The following GBGT1 variants were observed in gnomAD, a reference collection of about 807,000 sequenced individuals.
GBGT1 encodes globoside alpha-1,3-N-acetylgalactosaminyltransferase 1 (FORS blood group), also known as globoside alpha-1,3-N-acetylgalactosaminyltransferase 1.
Under a neutral mutation model 20.9 loss-of-function variants are expected in GBGT1, and 18 were observed. The observed-to-expected ratio is 0.86, with a 90% confidence interval of 0.60 to 1.28. The LOEUF is 1.28. Among genes scored for constraint, GBGT1 ranks in the 50% most tolerant of loss-of-function variants. GBGT1 has a pLI of 0.00. For missense variants in GBGT1, 432 were observed against 455.7 expected (o/e 0.95, Z 0.47); for synonymous variants, 168 against 180.8 (o/e 0.93, Z 0.57).
chr9:133,162,520 G>T lies in GBGT1; in HGVS notation c.-108C>A. 1 of 871,710 alleles carries T rather than the reference G, an allele frequency of 1.1e-6. No individual in the cohort carries two copies. The highest frequency in any genetic ancestry group is 1.9e-6 in the Non-Finnish European group (1 of 532,122). The allele number at this position is 871,710 out of a possible 1,614,324, so 54.0% of individuals were successfully genotyped here. On this transcript the variant is annotated 5_prime_UTR_variant, in exon 2 of 7. Coordinates refer to ENST00000372040, the MANE Select transcript of GBGT1 (RefSeq NM_021996.6). ...TCAGGCTCTGAGCCTGGTCTCTGAGGTCCCAGGAACACCTGCAAAGGAACA... is the reference window on the plus strand; with the variant it reads ...TCAGGCTCTGAGCCTGGTCTCTGAGTTCCCAGGAACACCTGCAAAGGAACA...
Position 133,153,510 on chromosome 9 carries a change from A to G in GBGT1, c.*67T>C. On this transcript the variant is annotated 3_prime_UTR_variant, in exon 7 of 7. Coordinates refer to ENST00000372040, the MANE Select transcript of GBGT1 (RefSeq NM_021996.6). ...GGGAGGCGGGACAGGGCTGGTCTGCACGCTAGTGAAGCACTGGTGGCTGCA... is the reference window on the plus strand; with the variant it reads ...GGGAGGCGGGACAGGGCTGGTCTGCGCGCTAGTGAAGCACTGGTGGCTGCA... The G allele has an allele frequency of 8.4e-7, 1 of 1,194,850 alleles. No homozygotes were observed. The highest frequency in any genetic ancestry group is 1.5e-5 in the South Asian group (1 of 67,360). The allele number at this position is 1,194,850 out of a possible 1,614,324, so 74.0% of individuals were successfully genotyped here.
At chr9:133,155,792 C>A (rs530378627) in intron 5 of GBGT1, 109 bp downstream of exon 5, 2 of 1,186,002 alleles carry the variant, frequency 1.7e-6, no homozygotes, top group Non-Finnish European at 2.5e-6. Context: ...CCCTAACTCT[C>A]TGGGCCCCAA....
intron 1 of GBGT1, chr9:133,162,967 CG>C (rs1833100918): frequency 6.4e-6 from 1 of 156,550 alleles, no homozygotes; most frequent in Admixed American, 6.2e-5. Flanking sequence ...GGGAGGCGCA[CG>C]GTGGCAGTGG....
chr9:133,155,589 T>C (rs1832847780), intron 5 of GBGT1, among the ~76,000 whole-genome samples: 1 of 152,226 alleles, frequency 6.6e-6, no homozygotes, highest in African/African-American at 2.4e-5. Context: ...CACGTTGTTA[T>C]GAACAATGGC....
rs1412972743 is a variant in GBGT1 at position 133,154,248 on chromosome 9, T to C, written c.373A>G (p.Ile125Val). ...TCGGCTGACTCCAGGAAGGACTGGA[T>C]GAAATGAGTGTACCTAGTGATGATC... Reference protein sequence around the residue: ...VFAVGKYTHFIQSFLESAEEF... With the variant: ...VFAVGKYTHFVQSFLESAEEF... The change falls in exon 7 of 7, where the codon ATC becomes GTC. Residue 125 changes from isoleucine (I) to valine (V), a missense_variant. Coordinates refer to ENST00000372040, the MANE Select transcript of GBGT1 (RefSeq NM_021996.6). This position sits in a 1 kb window ranked among gnomAD's most constrained non-coding sequence, Gnocchi z 4.2. 6.6e-7 allele frequency: 1 copy of C among 1,526,428 alleles called. No individual in the cohort carries two copies. The highest frequency in any genetic ancestry group is 1.4e-5 in the African/African-American group (1 of 72,610). 94.6% of individuals were successfully genotyped at this position (1,526,428 alleles called of 1,614,324 possible).
At chr9:133,161,267 A>G in intron 3 of GBGT1, 200 bp downstream of exon 3, 1 of 537,464 alleles carries the variant, frequency 1.9e-6, no homozygotes, top group Non-Finnish European at 3.3e-6. Flanking sequence ...GGGGGCTGCA[A>G]GGATGCTGGA....
In GBGT1 at chr9:133,153,657, C is replaced by A; in HGVS notation, c.964G>T (p.Asp322Tyr). ...KVLSPEYLWD[D>Y]RKPQPPSLKL... Reference sequence around the variant, plus strand: ...AGGCTGGGTGGCTGGGGCTTCCTGTCGTCCCAGAGGTACTCGGGGGACAGC... The same window carrying A: ...AGGCTGGGTGGCTGGGGCTTCCTGTAGTCCCAGAGGTACTCGGGGGACAGC... The change falls in exon 7 of 7, where the codon GAC becomes TAC. Residue 322 changes from aspartate (D) to tyrosine (Y), a missense_variant. Transcript: ENST00000372040. 1 of 1,609,846 alleles carries A rather than the reference C, an allele frequency of 6.2e-7. No individual in the cohort carries two copies. Among genetic ancestry groups the A allele is most frequent in the Non-Finnish European group, 8.5e-7 (1 of 1,177,768 alleles).
intron 3 of GBGT1, among the ~76,000 whole-genome samples, chr9:133,158,426 C>T (rs1437154701): frequency 6.6e-6 from 1 of 152,062 alleles, no homozygotes; most frequent in Non-Finnish European, 1.5e-5. Flanking sequence ...CCACAGGTGC[C>T]CACCACCACA....
Position 133,162,428 on chromosome 9 carries a change from C to G in GBGT1, c.-16G>C. On this transcript the variant is annotated 5_prime_UTR_variant, in exon 2 of 7. Transcript: ENST00000372040. ...GGCGATGCATTGCTGGGGGCTGCACCTGAGCCTGGGCACTTGTAGAGACCC... is the reference window on the plus strand; with the variant it reads ...GGCGATGCATTGCTGGGGGCTGCACGTGAGCCTGGGCACTTGTAGAGACCC... 2 of 1,594,752 alleles carry G rather than the reference C, an allele frequency of 1.3e-6. No individual in the cohort carries two copies. The highest frequency in any genetic ancestry group is 1.7e-6 in the Non-Finnish European group (2 of 1,172,124).
chr9:133,156,226 G>A (rs1395911713), intron 3 of GBGT1, 161 bp from the exon 4 acceptor site: 10 of 730,480 alleles, frequency 1.4e-5, no homozygotes, highest in Non-Finnish European at 2.3e-5. Flanking sequence ...CTACAGAGGA[G>A]CTGGGGACCC....
At chr9:133,161,388 G>A in intron 3 of GBGT1, 79 bp downstream of exon 3, 1 of 785,504 alleles carries the variant, frequency 1.3e-6, no homozygotes, top group Non-Finnish European at 2.1e-6. Flanking sequence ...CAGATGAAGT[G>A]AACTTAAATA....
chr9:133,159,002 C>G (rs1432841428), intron 3 of GBGT1, among the ~76,000 whole-genome samples: 1 of 152,010 alleles, frequency 6.6e-6, no homozygotes. Flanking sequence ...ACCTTGTCAT[C>G]CCAGCTGGAG....
intron 3 of GBGT1, chr9:133,161,057 A>G (rs1833028276): frequency 2.5e-6 from 1 of 396,232 alleles, no homozygotes; most frequent in Non-Finnish European, 4.4e-6. Flanking sequence ...CTTTGGTCAC[A>G]TGTTCATTTG....
Position 133,155,321 on chromosome 9 carries a change from A to AG in GBGT1, c.225-10dup. The AG allele has an allele frequency of 6.2e-7, 1 of 1,613,672 alleles. No homozygotes were observed. Among genetic ancestry groups the AG allele is most frequent in the Admixed American group, 1.7e-5 (1 of 59,978 alleles). On this transcript the variant is annotated splice_polypyrimidine_tract_variant and intron_variant, in intron 5 of 6. Transcript: ENST00000372040. ...TCAGCAGCTGTGTGGGCCTGGCAGC[A>AG]GGGGGGCCGTGGGCACTGAGACCCT...
intron 5 of GBGT1, 151 bp from the exon 6 acceptor site, chr9:133,155,463 A>G (rs941162528): frequency 1.2e-5 from 10 of 834,172 alleles, no homozygotes; most frequent in Non-Finnish European, 1.9e-5. Context: ...GGATAATGAT[A>G]GCCACCTCCC....
At position 133,153,859 on chromosome 9, in the gene GBGT1, G is replaced by A. The variant is rs770526068; in HGVS notation, c.762C>T (p.Ser254=). Residue 254 remains serine, a synonymous_variant, in exon 7 of 7, where the codon AGC becomes AGT. Coordinates refer to ENST00000372040, the MANE Select transcript of GBGT1 (RefSeq NM_021996.6). ...RRVSTAFVAD[S]EGDFYYGGAV... ...CCCCACCATAATAGAAGTCCCCTTC[G>A]CTGTCTGCCACAAAGGCAGTGGAAA... The A allele has an allele frequency of 1.6e-5, 26 of 1,599,144 alleles. No individual in the cohort carries two copies. Among genetic ancestry groups the A allele is most frequent in the Non-Finnish European group, 2.0e-5 (23 of 1,169,450 alleles).
intron 6 of GBGT1, 161 bp downstream of exon 6, chr9:133,155,017 T>C: frequency 1.6e-6 from 1 of 613,322 alleles, no homozygotes; most frequent in Non-Finnish European, 2.9e-6. Flanking sequence ...CCCATCCCAC[T>C]ATCACACCCT....
At chr9:133,155,804 G>T (rs1319410686) in intron 5 of GBGT1, 97 bp downstream of exon 5, 6 of 1,330,130 alleles carry the variant, frequency 4.5e-6, no homozygotes, top group Non-Finnish European at 6.5e-6. Context: ...GGGCCCCAAG[G>T]CCACCCTGAT....
chr9:133,157,990 C>CA (rs1832921907), intron 3 of GBGT1, among the ~76,000 whole-genome samples: 1 of 152,028 alleles, frequency 6.6e-6, no homozygotes, highest in Non-Finnish European at 1.5e-5. Context: ...ACTAAAAATA[C>CA]AAAAATTAGC....
Sources: allele counts gnomAD v4.1 joint callset (sites outside exome capture counted in the v4.1 genomes callset), GRCh38; gene constraint gnomAD v4.1.1; non-coding constraint Gnocchi (gnomAD v3.1); transcripts MANE v1.5; gene names NCBI Gene and HGNC (gene_info 2026-07-23, HGNC 2026-07-21).